SNTG1: variants seen among roughly 807,000 people sequenced by gnomAD.
The protein encoded by SNTG1 is syntrophin gamma 1.
Under a neutral mutation model 74.7 loss-of-function variants are expected in SNTG1, and 39 were observed. The ratio of observed to expected loss-of-function variants is 0.52; its 90% confidence interval spans 0.40 to 0.68. SNTG1 has a LOEUF of 0.68. Ranked by LOEUF, SNTG1 falls within the 30% of genes least tolerant of loss-of-function variation. The pLI is 0.00. For synonymous variants in SNTG1, 254 were observed against 217.1 expected (o/e 1.17, Z -1.49); for missense variants, 685 against 609.5 (o/e 1.12, Z -1.30).
intron 2 of SNTG1, among the ~76,000 whole-genome samples, chr8:50,343,400 A>T (rs1032260082): frequency 6.6e-6 from 1 of 152,206 alleles, no homozygotes; most frequent in Non-Finnish European, 1.5e-5. Flanking sequence ...CTGGAATCCT[A>T]AAGTAAGATA....
At chr8:50,031,735 T>C (rs1216419269) in intron 1 of SNTG1, among the ~76,000 whole-genome samples, 1 of 152,122 alleles carries the variant, frequency 6.6e-6, no homozygotes, top group Non-Finnish European at 1.5e-5. Context: ...TACATTAATA[T>C]TTTGTTAACA....
intron 2 of SNTG1, among the ~76,000 whole-genome samples, chr8:50,305,903 TAAA>T (rs5891362): frequency 3.7e-4 from 55 of 148,728 alleles, no homozygotes; most frequent in African/African-American, 1.3e-3. Flanking sequence ...TATATTTATT[TAAA>T]AAAAAAAAAA....
At chr8:50,171,359 C>G (rs1310027938) in intron 1 of SNTG1, among the ~76,000 whole-genome samples, 1 of 152,132 alleles carries the variant, frequency 6.6e-6, no homozygotes, top group Admixed American at 6.5e-5. Flanking sequence ...AGCTGAAGAA[C>G]TTGGAGTCTG....
intron 1 of SNTG1, among the ~76,000 whole-genome samples, chr8:49,973,995 C>T (rs749228269): frequency 2.6e-5 from 4 of 152,050 alleles, no homozygotes; most frequent in Admixed American, 6.5e-5. Flanking sequence ...TTTTTTATGT[C>T]GTTAGAATGT....
chr8:50,032,804 G>T (rs1183318716), intron 1 of SNTG1, among the ~76,000 whole-genome samples: 1 of 151,922 alleles, frequency 6.6e-6, no homozygotes, highest in South Asian at 2.1e-4. Context: ...TTTTTTTCAT[G>T]TTGCTCACCT....
chr8:50,006,976 T>C (rs1244112231), intron 1 of SNTG1, among the ~76,000 whole-genome samples: 1 of 152,064 alleles, frequency 6.6e-6, no homozygotes, highest in African/African-American at 2.4e-5. Flanking sequence ...CTAAGTGGCT[T>C]CCCAGGTTGA....
At chr8:50,402,483 T>C in intron 4 of SNTG1, 139 bp downstream of exon 4, 3 of 1,059,220 alleles carry the variant, frequency 2.8e-6, no homozygotes, top group Non-Finnish European at 4.0e-6. Context: ...CTTACATCAT[T>C]AAGTAATCAG....
At chr8:50,098,192 C>T (rs2079998183) in intron 1 of SNTG1, among the ~76,000 whole-genome samples, 1 of 152,032 alleles carries the variant, frequency 6.6e-6, no homozygotes, top group African/African-American at 2.4e-5. Context: ...CAAATCTTTC[C>T]AGGATATTGC....
chr8:50,704,490 G>T, intron 15 of SNTG1, 110 bp from the exon 16 acceptor site: 4 of 843,008 alleles, frequency 4.7e-6, no homozygotes, highest in Non-Finnish European at 4.9e-6. Flanking sequence ...TGAATTCGCA[G>T]AGTGTTGTCT....
chr8:50,707,977 TG>T, intron 16 of SNTG1: 1 of 370,178 alleles, frequency 2.7e-6, no homozygotes. Context: ...CCGAGGCGGG[TG>T]GATCACGAGG....
intron 2 of SNTG1, among the ~76,000 whole-genome samples, chr8:50,213,848 G>C (rs1286685365): frequency 2.6e-5 from 4 of 151,562 alleles, no homozygotes; most frequent in Non-Finnish European, 5.9e-5. Context: ...CAGATGAGTA[G>C]GTTGTGAAAA....
intron 2 of SNTG1, among the ~76,000 whole-genome samples, chr8:50,249,428 G>A (rs2086546915): frequency 6.6e-6 from 1 of 152,212 alleles, no homozygotes; most frequent in Non-Finnish European, 1.5e-5. Flanking sequence ...AGGTTTGGGG[G>A]CAGCCCCTGG....
chr8:50,221,469 A>G (rs2131991026), intron 2 of SNTG1, among the ~76,000 whole-genome samples: 1 of 151,846 alleles, frequency 6.6e-6, no homozygotes, highest in South Asian at 2.1e-4. Flanking sequence ...TAGAGATGAT[A>G]ATGCAAGGAC....
At chr8:50,086,114 CAA>C (rs1266077611) in intron 1 of SNTG1, among the ~76,000 whole-genome samples, 1 of 152,060 alleles carries the variant, frequency 6.6e-6, no homozygotes, top group Non-Finnish European at 1.5e-5. Context: ...AGGGTTAAAA[CAA>C]ATGTGGAACA....
At chr8:50,525,201 C>T (rs1341261757) in intron 9 of SNTG1, among the ~76,000 whole-genome samples, 1 of 151,986 alleles carries the variant, frequency 6.6e-6, no homozygotes, top group East Asian at 1.9e-4. Context: ...ATATATCATC[C>T]CACTCCTTTC....
At chr8:50,743,556 A>T (rs7846699) in intron 17 of SNTG1, among the ~76,000 whole-genome samples, 5 of 151,648 alleles carry the variant, frequency 3.3e-5, no homozygotes, top group African/African-American at 9.7e-5. Flanking sequence ...AAAGACTGAA[A>T]GTTTTCTCCT....
intron 2 of SNTG1, among the ~76,000 whole-genome samples, chr8:50,361,691 G>T (rs1313809500): frequency 3.3e-5 from 5 of 152,026 alleles, no homozygotes; most frequent in Admixed American, 2.0e-4. Flanking sequence ...CTGGGCAATA[G>T]AAATTTTTCA....
At chr8:50,570,142 C>A (rs1288558048) in intron 12 of SNTG1, among the ~76,000 whole-genome samples, 2 of 151,670 alleles carry the variant, frequency 1.3e-5, no homozygotes, top group Non-Finnish European at 2.9e-5. Context: ...TTTTTATTTA[C>A]CACAACCCAA....
chr8:50,470,973 G>T (rs2093649061), intron 8 of SNTG1, among the ~76,000 whole-genome samples: 1 of 152,130 alleles, frequency 6.6e-6, no homozygotes, highest in South Asian at 2.1e-4. Flanking sequence ...ACAGAGTGCT[G>T]ATTGGTGCAT....
Sources: gnomAD v4.1 joint callset for allele counts (sites outside exome capture counted in the v4.1 genomes callset) on GRCh38, gnomAD v4.1.1 for gene constraint, MANE v1.5 for transcripts, NCBI Gene and HGNC (gene_info 2026-07-23, HGNC 2026-07-21) for gene names.